The following LAMA2 variants were observed in gnomAD, a reference collection of about 807,000 sequenced individuals.
LAMA2 encodes laminin subunit alpha 2.
A neutral mutation model predicts 364.8 loss-of-function variants in LAMA2; 269 were observed. The ratio of observed to expected loss-of-function variants is 0.74; its 90% CI spans 0.67 to 0.82. The LOEUF is 0.82. Among genes scored for constraint, LAMA2 ranks in the 40% least tolerant of loss-of-function variants. The pLI is 0.00. For missense variants in LAMA2, 3,807 were observed against 3,873.2 expected (o/e 0.98, Z 0.45); for synonymous variants, 1,379 against 1,370.6 (o/e 1.01, Z -0.14).
intron 1 of LAMA2, among the ~76,000 whole-genome samples, chr6:128,899,816 G>C (rs1234296191): frequency 2.6e-5 from 4 of 152,002 alleles, no homozygotes; most frequent in Non-Finnish European, 5.9e-5. Context: ...TAAGAGTTGA[G>C]CAGTATTTAA....
chr6:129,464,461 C>G lies in LAMA2; in HGVS notation c.7155+9C>G, dbSNP rs759167146. ...TTGCCACACGAGACCTGGTAAAGAT[C>G]ATATGCATAGCAGAGTTTCCGTGAC... is the stretch of plus-strand genomic sequence containing the variant. On this transcript the variant is annotated intron_variant, in intron 50 of 64. Coordinates refer to ENST00000421865, the MANE Select transcript of LAMA2 (RefSeq NM_000426.4). 1.9e-6 allele frequency: 3 copies of G among 1,607,680 alleles called. No homozygotes were observed. The East Asian group carries it at 6.7e-5, about 36-fold the overall frequency.
At chr6:128,962,252 T>C (rs1781582810) in intron 1 of LAMA2, among the ~76,000 whole-genome samples, 1 of 148,328 alleles carries the variant, frequency 6.7e-6, no homozygotes, top group East Asian at 2.0e-4. Flanking sequence ...TTGTAGGTTA[T>C]AATAGCATTT....
At chr6:129,360,326 T>C (rs1027898211) in intron 32 of LAMA2, among the ~76,000 whole-genome samples, 4 of 152,192 alleles carry the variant, frequency 2.6e-5, no homozygotes, top group Non-Finnish European at 1.5e-5. Context: ...TGCATTCCAT[T>C]TCCAATGTTT....
intron 58 of LAMA2, among the ~76,000 whole-genome samples, chr6:129,496,597 TTTTAA>T (rs912209693): frequency 3.9e-5 from 6 of 152,222 alleles, no homozygotes; most frequent in African/African-American, 9.7e-5. Flanking sequence ...ATATCTTCTG[TTTTAA>T]TTTGTTTCCT....
At chr6:129,405,868 A>G (rs1195933490) in intron 40 of LAMA2, among the ~76,000 whole-genome samples, 1 of 152,192 alleles carries the variant, frequency 6.6e-6, no homozygotes, top group Admixed American at 6.5e-5. Context: ...TAAATGTATT[A>G]TTAAGTATAG....
intron 12 of LAMA2, among the ~76,000 whole-genome samples, chr6:129,231,148 C>A (rs1232109764): frequency 6.6e-6 from 1 of 152,002 alleles, no homozygotes; most frequent in Non-Finnish European, 1.5e-5. Context: ...TTCCCCAAAG[C>A]AAGGCTAGTT....
intron 9 of LAMA2, among the ~76,000 whole-genome samples, chr6:129,168,319 T>G (rs1371192304): frequency 6.6e-6 from 1 of 150,520 alleles, no homozygotes; most frequent in Non-Finnish European, 1.5e-5. Context: ...AAGTCTTTAA[T>G]CCATCTTGAA....
Position 129,363,361 on chromosome 6 carries a change from A to C in LAMA2, c.4718-2858A>C, listed in dbSNP as rs534104011. 4.4e-4 allele frequency among the ~76,000 whole-genome samples: 67 copies of C among 152,266 alleles called. 1 individual carries two copies. Among genetic ancestry groups the C allele is most frequent in the African/African-American group, 1.6e-3 (67 of 41,560 alleles). ...AGACCTTACCACAGACCCATCAAAAATCATATTCTGTGGTGGTGAGGAGGG... is the reference window on the plus strand; with the variant it reads ...AGACCTTACCACAGACCCATCAAAACTCATATTCTGTGGTGGTGAGGAGGG... On this transcript the variant is annotated intron_variant, in intron 32 of 64. Coordinates refer to ENST00000421865, the MANE Select transcript of LAMA2 (RefSeq NM_000426.4).
intron 1 of LAMA2, among the ~76,000 whole-genome samples, chr6:128,905,909 T>A (rs1227371858): frequency 6.6e-6 from 1 of 152,104 alleles, no homozygotes; most frequent in African/African-American, 2.4e-5. Context: ...CTTGTGATAG[T>A]TTGCTGAGAA....
chr6:129,111,977 A>G (rs1222480817), intron 4 of LAMA2, among the ~76,000 whole-genome samples: 1 of 151,990 alleles, frequency 6.6e-6, no homozygotes, highest in Non-Finnish European at 1.5e-5. Flanking sequence ...GCGTGTATGT[A>G]TATACCTGTG....
chr6:129,438,531 A>T, intron 41 of LAMA2, 115 bp from the exon 42 acceptor site: 1 of 612,614 alleles, frequency 1.6e-6, no homozygotes, highest in East Asian at 2.9e-5. Flanking sequence ...TAAATTAAAT[A>T]CATTTTCTTG....
At chr6:129,078,963 T>G (rs1207812518) in intron 3 of LAMA2, among the ~76,000 whole-genome samples, 10 of 152,218 alleles carry the variant, frequency 6.6e-5, no homozygotes, top group Admixed American at 6.5e-4. Context: ...TTGTAGCATA[T>G]ATCAGAGTTT....
At chr6:128,981,141 G>A (rs1222534847) in intron 1 of LAMA2, among the ~76,000 whole-genome samples, 2 of 151,950 alleles carry the variant, frequency 1.3e-5, no homozygotes, top group Admixed American at 6.6e-5. Flanking sequence ...TTAATTGAAC[G>A]ATTTTCGGTC....
At chr6:129,463,087 T>A (rs957846264) in intron 49 of LAMA2, among the ~76,000 whole-genome samples, 1 of 152,054 alleles carries the variant, frequency 6.6e-6, no homozygotes, top group Non-Finnish European at 1.5e-5. Flanking sequence ...AAGTAAAATT[T>A]AGTTAGCTGA....
chr6:129,221,097 A>C (rs1204620081), intron 12 of LAMA2, among the ~76,000 whole-genome samples: 1 of 151,238 alleles, frequency 6.6e-6, no homozygotes, highest in Admixed American at 6.6e-5. Flanking sequence ...GGGAGACAAG[A>C]GGTTGCAGTG....
chr6:129,160,598 G>A (rs186807478), intron 8 of LAMA2, among the ~76,000 whole-genome samples: 1 of 151,456 alleles, frequency 6.6e-6, no homozygotes, highest in African/African-American at 2.4e-5. Context: ...TTATTCATTT[G>A]ACCTGTTTTG....
intron 4 of LAMA2, among the ~76,000 whole-genome samples, chr6:129,137,056 A>G (rs932227205): frequency 3.3e-5 from 5 of 152,168 alleles, no homozygotes; most frequent in African/African-American, 1.2e-4. Context: ...TTAGGGGTAG[A>G]GTTGTCAACG....
At chr6:129,226,470 T>C (rs1171538873) in intron 12 of LAMA2, among the ~76,000 whole-genome samples, 2 of 152,162 alleles carry the variant, frequency 1.3e-5, no homozygotes, top group African/African-American at 4.8e-5. Context: ...TGGCTGGTAC[T>C]GGTTGTTCCT....
At chr6:129,104,585 C>A (rs1775714520) in intron 4 of LAMA2, among the ~76,000 whole-genome samples, 1 of 152,066 alleles carries the variant, frequency 6.6e-6, no homozygotes, top group South Asian at 2.1e-4. Context: ...ATATTCAAGC[C>A]CCCAATTTCA....
Sources: gnomAD v4.1 joint callset for allele counts (sites outside exome capture counted in the v4.1 genomes callset) on GRCh38, gnomAD v4.1.1 for gene constraint, MANE v1.5 for transcripts, NCBI Gene and HGNC (gene_info 2026-07-23, HGNC 2026-07-21) for gene names.